ARID4A: variants seen among roughly 807,000 people sequenced by gnomAD.
ARID4A encodes AT-rich interactive domain-containing protein 4A.
ARID4A carries 39 observed loss-of-function variants against 148.6 expected under a neutral mutation model. The ratio of observed to expected loss-of-function variants is 0.26; its 90% CI spans 0.20 to 0.34. The LOEUF (loss-of-function observed/expected upper bound fraction) is 0.34, where lower values mean the gene tolerates loss of function less well. ARID4A is among the 10% of genes least tolerant of loss of function. The pLI, the probability that ARID4A is intolerant of heterozygous loss-of-function variation, is 1.00. For missense variants in ARID4A, 1,265 were observed against 1,449.1 expected, an observed-to-expected ratio of 0.87 and a Z score of 2.06; for synonymous variants, 475 against 481.2, an observed-to-expected ratio of 0.99 and a Z score of 0.17.
intron 18 of ARID4A, among the ~76,000 whole-genome samples, chr14:58,359,639 C>T (rs1421437618): frequency 6.6e-6 from 1 of 152,160 alleles, no homozygotes. Context: ...CAGACTTTTT[C>T]TCTCTCCATA....
At chr14:58,363,516 A>C (rs567728796) in intron 19 of ARID4A, among the ~76,000 whole-genome samples, 3 of 152,142 alleles carry the variant, frequency 2.0e-5, no homozygotes, top group Non-Finnish European at 2.9e-5. Context: ...CCTGGCCAAC[A>C]TAGCAAAACC....
intron 19 of ARID4A, among the ~76,000 whole-genome samples, chr14:58,362,857 C>T (rs2035194297): frequency 6.6e-6 from 1 of 152,038 alleles, no homozygotes; most frequent in African/African-American, 2.4e-5. Context: ...TGTGCCCGGC[C>T]ACCAAAAAAG....
At chr14:58,329,686 C>T in intron 10 of ARID4A, 82 bp downstream of exon 10, 1 of 1,199,034 alleles carries the variant, frequency 8.3e-7, no homozygotes, top group Non-Finnish European at 1.2e-6. Context: ...CTGATACTCT[C>T]TGGTACCACC....
Position 58,370,994 on chromosome 14 carries a change from A to G in ARID4A, c.3671-892A>G, listed in dbSNP as rs1166533264. On this transcript the variant is annotated intron_variant, in intron 23 of 23. Coordinates refer to ENST00000355431, the MANE Select transcript of ARID4A (RefSeq NM_002892.4). ...GAGATTTGAGTGATTTGTAGCATACATGTAAGAATTTGTTGCCTGGGCATG... is the reference window on the plus strand; with the variant it reads ...GAGATTTGAGTGATTTGTAGCATACGTGTAAGAATTTGTTGCCTGGGCATG... Among the ~76,000 whole-genome samples the G allele has an allele frequency of 7.2e-5, 11 of 152,234 alleles. No homozygotes were observed. In the East Asian group the frequency reaches 1.9e-3, roughly 27 times the overall value.
intron 5 of ARID4A, 129 bp downstream of exon 5, chr14:58,306,241 T>A: frequency 3.2e-6 from 2 of 622,786 alleles, no homozygotes; most frequent in Non-Finnish European, 5.3e-6. Context: ...TGGATATAGC[T>A]GACTAAAATT....
At position 58,372,368 on chromosome 14, in the gene ARID4A, G is replaced by A. The variant is rs964661371; in HGVS notation, c.*379G>A. The A allele has an allele frequency of 2.7e-5, 7 of 255,414 alleles. No individual in the cohort carries two copies. Among genetic ancestry groups the A allele is most frequent in the African/African-American group, 4.4e-5 (2 of 45,512 alleles). The allele number at this position is 255,414 out of a possible 1,614,324, so 15.8% of individuals were successfully genotyped here. ...CATCAAAATATTACCCAGCTGAATA[G>A]TTACTGCTGCACTTTCACTAAGATG... is the stretch of plus-strand genomic sequence containing the variant. On this transcript the variant is annotated 3_prime_UTR_variant, in exon 24 of 24. Coordinates refer to ENST00000355431, the MANE Select transcript of ARID4A (RefSeq NM_002892.4).
chr14:58,373,010 C>T lies in ARID4A; in HGVS notation c.*1021C>T, dbSNP rs2035673154. 1 of 195,140 alleles carries T rather than the reference C, an allele frequency of 5.1e-6. No individual in the cohort carries two copies. Among genetic ancestry groups the T allele is most frequent in the African/African-American group, 2.3e-5 (1 of 43,200 alleles). 12.1% of individuals were successfully genotyped at this position (195,140 alleles called of 1,614,324 possible). On this transcript the variant is annotated 3_prime_UTR_variant, in exon 24 of 24. Coordinates refer to ENST00000355431, the MANE Select transcript of ARID4A (RefSeq NM_002892.4). ...CAGGAGGTTGCATCCTGCAGCCTTG[C>T]CTGTGTTAAAGGGAGTCTGTCTCAG... is the stretch of plus-strand genomic sequence containing the variant.
At chr14:58,344,911 T>A in intron 12 of ARID4A, 144 bp downstream of exon 12, 1 of 661,444 alleles carries the variant, frequency 1.5e-6, no homozygotes, top group Non-Finnish European at 2.5e-6. Flanking sequence ...CTTGCTTTGA[T>A]GCCCAGGCTG....
chr14:58,339,765 A>C (rs552568401), intron 11 of ARID4A, among the ~76,000 whole-genome samples: 70 of 152,178 alleles, frequency 4.6e-4, no homozygotes, highest in Non-Finnish European at 2.9e-4. Flanking sequence ...TACAGGAGGC[A>C]TGGCTGGGGA....
At chr14:58,357,481 A>G (rs1258884629) in intron 17 of ARID4A, among the ~76,000 whole-genome samples, 2 of 152,322 alleles carry the variant, frequency 1.3e-5, no homozygotes, top group Admixed American at 1.3e-4. Context: ...TTCTATTAAT[A>G]CGCTACAGTC....
chr14:58,349,454 C>T (rs185937658), intron 15 of ARID4A, among the ~76,000 whole-genome samples: 1,524 of 150,376 alleles, frequency 0.01, 21 homozygotes, highest in African/African-American at 0.036. Flanking sequence ...AGACCAGCCT[C>T]GCCAATATGG....
intron 5 of ARID4A, among the ~76,000 whole-genome samples, chr14:58,314,282 T>C (rs1358275473): frequency 6.6e-6 from 1 of 152,220 alleles, no homozygotes; most frequent in Non-Finnish European, 1.5e-5. Flanking sequence ...AATTATACTC[T>C]TCAGTGCCTA....
rs1017041371 is a variant in ARID4A at position 58,351,104 on chromosome 14, C to A, written c.1436C>A (p.Ser479Tyr). ...AGGAGAATTGCTCGAGATGTAAATT[C>A]TATTAAAAAGGAAATTGAAGAAGAG... ...GRRRIARDVN[S>Y]IKKEIEEEKT... Residue 479 changes from serine (S) to tyrosine (Y), a missense_variant, in exon 16 of 24, where the codon TCT (serine) becomes TAT (tyrosine). Physicochemically the swap from Ser to Tyr is moderately radical, Grantham distance 144. Transcript: ENST00000355431. 2 of 1,598,410 alleles carry A rather than the reference C, an allele frequency of 1.3e-6. No homozygotes were observed. Among genetic ancestry groups the A allele is most frequent in the Non-Finnish European group, 1.7e-6 (2 of 1,176,496 alleles).
intron 11 of ARID4A, among the ~76,000 whole-genome samples, chr14:58,338,761 T>C (rs1172475538): frequency 6.6e-6 from 1 of 152,030 alleles, no homozygotes; most frequent in Non-Finnish European, 1.5e-5. Context: ...TATGAATGAA[T>C]GTACTAAAAG....
At chr14:58,318,682 G>A (rs764818702) in intron 6 of ARID4A, 29 bp from the exon 7 acceptor site, 7 of 1,612,790 alleles carry the variant, frequency 4.3e-6, no homozygotes, top group African/African-American at 1.3e-5. Flanking sequence ...GAGGTAAAAC[G>A]TAATTTAATT....
rs768349470 is a variant in ARID4A at position 58,342,068 on chromosome 14, CG to C, written c.907-2626del. ...AATTAAGAGCCCCATACAAAAGTCA[CG>C]AAGGCACATTCTTCTAATTGGAGGC... On this transcript the variant is annotated intron_variant, in intron 11 of 23. Coordinates refer to ENST00000355431, the MANE Select transcript of ARID4A (RefSeq NM_002892.4). Among the ~76,000 whole-genome samples the C allele has an allele frequency of 8.6e-4, 131 of 152,300 alleles. 1 individual carries two copies. Among genetic ancestry groups the C allele is most frequent in the Non-Finnish European group, 4.3e-4 (29 of 68,030 alleles).
At chr14:58,313,304 G>T (rs983972774) in intron 5 of ARID4A, among the ~76,000 whole-genome samples, 13 of 152,116 alleles carry the variant, frequency 8.5e-5, no homozygotes, top group Non-Finnish European at 1.2e-4. Context: ...GAAGTGCTGG[G>T]GGATGGTTTC....
At chr14:58,300,727 C>T (rs911827898) in intron 2 of ARID4A, among the ~76,000 whole-genome samples, 2 of 151,204 alleles carry the variant, frequency 1.3e-5, no homozygotes, top group African/African-American at 4.9e-5. Context: ...TACTTCAAAA[C>T]GTATCTCCAA....
intron 12 of ARID4A, among the ~76,000 whole-genome samples, 179 bp from the exon 13 acceptor site, chr14:58,346,232 T>G (rs905028828): frequency 1.3e-5 from 2 of 149,654 alleles, no homozygotes; most frequent in African/African-American, 4.9e-5. Flanking sequence ...TAAAAAAGAA[T>G]TATTATATAT....
Sources: gnomAD v4.1 joint callset for allele counts (sites outside exome capture counted in the v4.1 genomes callset) on GRCh38, gnomAD v4.1.1 for gene constraint, MANE v1.5 for transcripts, NCBI Gene and HGNC (gene_info 2026-07-23, HGNC 2026-07-21) for gene names.